The following CCDC141 variants were observed in gnomAD, a reference collection of about 807,000 sequenced individuals.
The protein encoded by CCDC141 is coiled-coil domain-containing protein 141.
Under a neutral mutation model 181.0 loss-of-function variants are expected in CCDC141, and 168 were observed. The ratio of observed to expected loss-of-function variants is 0.93; its 90% CI spans 0.82 to 1.05. The LOEUF (loss-of-function observed/expected upper bound fraction) is 1.05, where lower values mean the gene tolerates loss of function less well. Ranked by LOEUF, CCDC141 falls within the 50% of genes least tolerant of loss-of-function variation. The pLI is 0.00. For missense variants in CCDC141, 1,902 were observed against 1,788.5 expected, an observed-to-expected ratio of 1.06 and a Z score of -1.14; for synonymous variants, 666 against 642.3, an observed-to-expected ratio of 1.04 and a Z score of -0.56.
chr2:179,034,795 G>A (rs1177792881), intron 2 of CCDC141, among the ~76,000 whole-genome samples: 1 of 152,094 alleles, frequency 6.6e-6, no homozygotes, highest in African/African-American at 2.4e-5. Context: ...CATTTCTCAG[G>A]TAATTCTGAT....
At chr2:178,919,635 T>G (rs1688600483) in intron 6 of CCDC141, among the ~76,000 whole-genome samples, 1 of 152,218 alleles carries the variant, frequency 6.6e-6, no homozygotes, top group Non-Finnish European at 1.5e-5. Context: ...TAAAAACATA[T>G]CTTTCCCACA....
chr2:179,005,855 C>A (rs1195733167), intron 2 of CCDC141, among the ~76,000 whole-genome samples: 2 of 152,108 alleles, frequency 1.3e-5, no homozygotes, highest in Non-Finnish European at 2.9e-5. Context: ...AGTGATCCAC[C>A]CACCTTGGCC....
chr2:179,028,151 A>C (rs987902206), intron 2 of CCDC141, among the ~76,000 whole-genome samples: 4 of 152,106 alleles, frequency 2.6e-5, no homozygotes, highest in Non-Finnish European at 5.9e-5. Context: ...TGGTAACTCC[A>C]CCTTGCCTTA....
intron 2 of CCDC141, among the ~76,000 whole-genome samples, chr2:179,014,527 C>A (rs1186821628): frequency 1.3e-5 from 2 of 151,972 alleles, no homozygotes; most frequent in Non-Finnish European, 2.9e-5. Flanking sequence ...ATACATCTGA[C>A]AAAGGACTAA....
chr2:178,840,192 A>C (rs969292265), intron 22 of CCDC141, among the ~76,000 whole-genome samples: 6 of 151,824 alleles, frequency 4.0e-5, no homozygotes, highest in Non-Finnish European at 8.8e-5. Flanking sequence ...TGTACCAGAC[A>C]CTCTCAGGTC....
intron 22 of CCDC141, among the ~76,000 whole-genome samples, chr2:178,842,160 T>C (rs1397280031): frequency 6.6e-6 from 1 of 152,212 alleles, no homozygotes; most frequent in East Asian, 1.9e-4. Context: ...TACATCAGTC[T>C]AATGAGTTCT....
chr2:178,918,617 T>G, intron 7 of CCDC141, 96 bp downstream of exon 7: 1 of 986,850 alleles, frequency 1.0e-6, no homozygotes, highest in Non-Finnish European at 1.5e-6. Flanking sequence ...TTACATGGCG[T>G]TTTGACTTCT....
At chr2:178,874,657 G>A (rs1408652340) in intron 12 of CCDC141, 1 of 152,280 alleles carries the variant, frequency 6.6e-6, no homozygotes, top group Non-Finnish European at 1.5e-5. Context: ...GCAGAGAACT[G>A]GTCGGACAAC....
At chr2:179,010,866 G>T (rs1196294287) in intron 2 of CCDC141, among the ~76,000 whole-genome samples, 1 of 152,056 alleles carries the variant, frequency 6.6e-6, no homozygotes, top group Non-Finnish European at 1.5e-5. Flanking sequence ...CCACTTAAAA[G>T]ATACAGAACC....
intron 5 of CCDC141, among the ~76,000 whole-genome samples, chr2:178,959,243 G>A (rs1190910145): frequency 6.6e-6 from 1 of 151,582 alleles, no homozygotes; most frequent in Non-Finnish European, 1.5e-5. Flanking sequence ...GTGTACATAT[G>A]TAACAAACCT....
At chr2:178,847,334 A>G (rs939997733) in intron 21 of CCDC141, among the ~76,000 whole-genome samples, 2 of 152,152 alleles carry the variant, frequency 1.3e-5, no homozygotes, top group Non-Finnish European at 2.9e-5. Context: ...GTTTGAGACC[A>G]GCTTGGGCAA....
rs141786551 is a variant in CCDC141, at chr2:178,868,093, C to A, written c.2507G>T (p.Arg836Leu). 1.9e-6 allele frequency: 3 copies of A among 1,614,032 alleles called. No homozygotes were observed. ...GGCCAGTCTGTGGAGATGGTCTACACGGGCTTGCTTTTCCTGAGAGCACCG... is the reference window on the plus strand; with the variant it reads ...GGCCAGTCTGTGGAGATGGTCTACAAGGGCTTGCTTTTCCTGAGAGCACCG... ...HLRCSQEKQA[R>L]VDHLHRLALS... The change falls in exon 16 of 24, where the codon CGT becomes CTT. Residue 836 changes from arginine to leucine, a missense_variant. By Grantham distance (102) the Arg-to-Leu change is moderately radical. Coordinates refer to ENST00000443758, the MANE Select transcript of CCDC141 (RefSeq NM_173648.4).
rs376390953 is a variant in CCDC141, at chr2:178,993,624, T to C, written c.226-14949A>G. 1.1e-4 allele frequency among the ~76,000 whole-genome samples: 17 copies of C among 152,258 alleles called. 1 individual carries two copies. Among genetic ancestry groups the C allele is most frequent in the African/African-American group, 3.6e-4 (15 of 41,566 alleles). ...CCCTCCCAAATCTCATGTCCTTATA[T>C]TGAAAACCAATCATGCCTTCCCAAC... On this transcript the variant is annotated intron_variant, in intron 2 of 23. Transcript: ENST00000443758.
At chr2:178,902,497 C>T (rs954819687) in intron 8 of CCDC141, among the ~76,000 whole-genome samples, 3 of 152,132 alleles carry the variant, frequency 2.0e-5, no homozygotes, top group African/African-American at 7.2e-5. Flanking sequence ...CAAAAACAAG[C>T]AATGGGGAAA....
Position 178,831,207 on chromosome 2 carries a change from T to C in CCDC141, c.*2966A>G, listed in dbSNP as rs1394665513. On this transcript the variant is annotated 3_prime_UTR_variant, in exon 24 of 24. Transcript: ENST00000443758. ...TTCCTACAGTAAATTTCTCTTGGAA[T>C]TGAGTGTGAAAAACTACCACCAAAT... is the stretch of plus-strand genomic sequence containing the variant. 1 of 152,170 alleles carries C rather than the reference T, an allele frequency of 6.6e-6. No individual in the cohort carries two copies. The highest frequency in any genetic ancestry group is 1.5e-5 in the Non-Finnish European group (1 of 68,026). 9.4% of individuals were successfully genotyped at this position (152,170 alleles called of 1,614,324 possible).
At chr2:178,835,991 A>T (rs1684462146) in intron 23 of CCDC141, 1 of 152,654 alleles carries the variant, frequency 6.6e-6, no homozygotes, top group Non-Finnish European at 1.5e-5. Context: ...ATGGGCACAC[A>T]CAATAACTGA....
intron 8 of CCDC141, among the ~76,000 whole-genome samples, chr2:178,903,458 G>A (rs1031750470): frequency 3.9e-5 from 6 of 152,006 alleles, no homozygotes; most frequent in African/African-American, 1.5e-4. Context: ...CCTTTGTAGG[G>A]ACATGGATGA....
At chr2:178,864,781 A>G (rs988302431) in intron 17 of CCDC141, among the ~76,000 whole-genome samples, 5 of 152,244 alleles carry the variant, frequency 3.3e-5, no homozygotes, top group Non-Finnish European at 5.9e-5. Context: ...TTGTTGGATA[A>G]TATTTGATAC....
chr2:178,953,603 T>A, intron 5 of CCDC141, among the ~76,000 whole-genome samples: 1 of 152,190 alleles, frequency 6.6e-6, no homozygotes, highest in East Asian at 1.9e-4. Context: ...GGACTTTTTG[T>A]TGATATAAAT....
Sources: gnomAD v4.1 joint callset for allele counts (sites outside exome capture counted in the v4.1 genomes callset) on GRCh38, gnomAD v4.1.1 for gene constraint, MANE v1.5 for transcripts, NCBI Gene and HGNC (gene_info 2026-07-23, HGNC 2026-07-21) for gene names.